The following ANK3 variants were observed in gnomAD, a reference collection of about 807,000 sequenced individuals.
ANK3 encodes the protein ankyrin-3.
In ANK3, 57 loss-of-function variants were observed where a neutral mutation model predicts 370.9. That is an observed-to-expected ratio of 0.15 (90% CI 0.12 to 0.19). The LOEUF is 0.19. ANK3 is among the 10% of genes least tolerant of loss of function. ANK3 has a pLI of 1.00. For synonymous variants in ANK3, 1,929 were observed against 1,946.3 expected (o/e 0.99, Z 0.23); for missense variants, 4,439 against 5,302.1 (o/e 0.84, Z 5.06).
At position 60,653,191 on chromosome 10, in the gene ANK3, C is replaced by CT. The variant is rs1451986217; in HGVS notation, c.58-37968dup. On this transcript the variant is annotated intron_variant, in intron 1 of 43. Transcript: ENST00000373827. Reference sequence around the variant, plus strand: ...CGAATTATTCTCTCTTGTAGTCATGCTTTTTGTGTCCTGAGAAATCTCAGA... The same window carrying CT: ...CGAATTATTCTCTCTTGTAGTCATGCTTTTTTGTGTCCTGAGAAATCTCAGA... 2.0e-5 allele frequency among the ~76,000 whole-genome samples: 3 copies of CT among 152,044 alleles called. No homozygotes were observed. In the South Asian group the frequency reaches 6.2e-4, roughly 32 times the overall value.
At chr10:60,576,681 GCATTCCCTTGATACCATT>G (rs2133274005) in intron 2 of ANK3, among the ~76,000 whole-genome samples, 1 of 152,336 alleles carries the variant, frequency 6.6e-6, no homozygotes, top group Admixed American at 6.5e-5. Context: ...CTTACTAACA[GCATTCCCTTGATACCATT>G]CATCAATGTT....
At chr10:60,330,973 G>C (rs2051111949) in intron 1 of ANK3, among the ~76,000 whole-genome samples, 1 of 152,128 alleles carries the variant, frequency 6.6e-6, no homozygotes, top group Admixed American at 6.5e-5. Context: ...GCAGGGACAT[G>C]GATGAAGCTG....
chr10:60,582,814 T>TTTGATC (rs1320961841), intron 2 of ANK3, among the ~76,000 whole-genome samples: 1 of 152,096 alleles, frequency 6.6e-6, no homozygotes, highest in Non-Finnish European at 1.5e-5. Context: ...AGCTTCTTCG[T>TTTGATC]TTGATCTTAT....
intron 1 of ANK3, among the ~76,000 whole-genome samples, chr10:60,283,538 C>T (rs2098197770): frequency 1.3e-5 from 2 of 152,134 alleles, no homozygotes; most frequent in South Asian, 4.1e-4. Flanking sequence ...GGTTGTTCAG[C>T]ACTTTTTTTC....
intron 1 of ANK3, among the ~76,000 whole-genome samples, chr10:60,369,331 T>C (rs1315107184): frequency 1.3e-5 from 2 of 152,192 alleles, no homozygotes; most frequent in African/African-American, 4.8e-5. Flanking sequence ...AAGTAAACAT[T>C]GCCGAGAATG....
intron 1 of ANK3, among the ~76,000 whole-genome samples, chr10:60,624,683 A>G (rs2078384048): frequency 6.6e-6 from 1 of 151,786 alleles, no homozygotes; most frequent in Non-Finnish European, 1.5e-5. Flanking sequence ...AACCAACACA[A>G]GAAACCCTCC....
chr10:60,505,744 T>C (rs2075921882), intron 2 of ANK3, among the ~76,000 whole-genome samples: 1 of 152,140 alleles, frequency 6.6e-6, no homozygotes, highest in Admixed American at 6.6e-5. Flanking sequence ...TTGGACCCCA[T>C]AAATTTCCAG....
intron 2 of ANK3, among the ~76,000 whole-genome samples, chr10:60,559,585 A>G (rs1313225513): frequency 1.3e-5 from 2 of 152,216 alleles, no homozygotes; most frequent in African/African-American, 4.8e-5. Context: ...AGAAAATTTA[A>G]GTAATTTAAA....
chr10:60,053,615 TTC>T, intron 42 of ANK3: 3 of 1,218,792 alleles, frequency 2.5e-6, no homozygotes, highest in Non-Finnish European at 3.2e-6. Flanking sequence ...AAATGGAATT[TTC>T]TCAGTACTCT....
chr10:60,693,189 T>C (rs2079382951), intron 1 of ANK3, among the ~76,000 whole-genome samples: 1 of 152,218 alleles, frequency 6.6e-6, no homozygotes, highest in Non-Finnish European at 1.5e-5. Flanking sequence ...ATACTGCACT[T>C]TTCTGATGGG....
intron 8 of ANK3, among the ~76,000 whole-genome samples, chr10:60,232,837 C>A (rs924827437): frequency 6.6e-6 from 1 of 151,928 alleles, no homozygotes; most frequent in Non-Finnish European, 1.5e-5. Flanking sequence ...AGACACTCGA[C>A]GATCATCTAT....
chr10:60,035,509 T>C (rs1230948473), intron 43 of ANK3, among the ~76,000 whole-genome samples: 2 of 151,708 alleles, frequency 1.3e-5, no homozygotes, highest in Non-Finnish European at 2.9e-5. Context: ...TGCCTTGGCC[T>C]CCCGAAGTGC....
At chr10:60,106,156 A>G (rs2092138022) in intron 27 of ANK3, 97 bp from the exon 28 acceptor site, 1 of 1,123,132 alleles carries the variant, frequency 8.9e-7, no homozygotes, top group African/African-American at 1.6e-5. Context: ...TTTGAAAATC[A>G]GAGGTGCCAC....
chr10:60,149,731 C>T (rs1367057635), intron 23 of ANK3, among the ~76,000 whole-genome samples: 6 of 152,186 alleles, frequency 3.9e-5, no homozygotes, highest in Admixed American at 6.5e-5. Context: ...TTATTTGAGA[C>T]GAAGTCTCGC....
At chr10:60,208,514 A>C (rs1333860717) in intron 9 of ANK3, among the ~76,000 whole-genome samples, 6 of 152,124 alleles carry the variant, frequency 3.9e-5, no homozygotes, top group Non-Finnish European at 8.8e-5. Flanking sequence ...AGGCATATGA[A>C]TTTTACTTTT....
At position 60,641,509 on chromosome 10, in the gene ANK3, T is replaced by C. The variant is rs1269124856; in HGVS notation, c.58-26285A>G. Among the ~76,000 whole-genome samples, 42 of 151,094 alleles carry C rather than the reference T, an allele frequency of 2.8e-4. No homozygotes were observed. In the East Asian group the frequency reaches 7.1e-3, roughly 25 times the overall value. On this transcript the variant is annotated intron_variant, in intron 1 of 43. Transcript: ENST00000373827. Reference sequence around the variant, plus strand: ...ACAACTATCTGATCTTTGACAAACCTGAGAAAAACAAGCAATGGGGAAAGG... The same window carrying C: ...ACAACTATCTGATCTTTGACAAACCCGAGAAAAACAAGCAATGGGGAAAGG...
rs953333781 is a variant in ANK3, at chr10:60,336,132, T to C, written c.114+53293A>G. Among the ~76,000 whole-genome samples the C allele has an allele frequency of 8.6e-5, 13 of 151,648 alleles. 1 individual carries two copies. The highest frequency in any genetic ancestry group is 8.3e-4 in the South Asian group (4 of 4,792). On this transcript the variant is annotated intron_variant, in intron 1 of 43. Transcript: ENST00000280772. ...TGCCAAGGAGCAGGCAAAAGTCACA[T>C]TGGGGCAGGTTGGGGAGTCGAGGCC...
intron 2 of ANK3, among the ~76,000 whole-genome samples, chr10:60,397,031 AG>A (rs2063255253): frequency 6.6e-6 from 1 of 152,206 alleles, no homozygotes. Context: ...TTAAAGGCAA[AG>A]GTACAAAGGA....
At chr10:60,694,037 T>A (rs560634294) in intron 1 of ANK3, among the ~76,000 whole-genome samples, 1 of 151,886 alleles carries the variant, frequency 6.6e-6, no homozygotes, top group African/African-American at 2.4e-5. Context: ...GAATAACCAA[T>A]ACAGAGAAGT....
Sources: gnomAD v4.1 joint callset for allele counts (sites outside exome capture counted in the v4.1 genomes callset) on GRCh38, gnomAD v4.1.1 for gene constraint, MANE v1.5 for transcripts, NCBI Gene and HGNC (gene_info 2026-07-23, HGNC 2026-07-21) for gene names.